The following IGFL2 variants were observed in gnomAD, a reference collection of about 807,000 sequenced individuals.
The protein encoded by IGFL2 is insulin growth factor-like family member 2.
Under a neutral mutation model 13.9 loss-of-function variants are expected in IGFL2, and 7 were observed. The observed-to-expected ratio is 0.51, with a 90% CI of 0.29 to 0.95. The LOEUF (loss-of-function observed/expected upper bound fraction) is 0.95, where lower values mean the gene tolerates loss of function less well. IGFL2 is among the 40% of genes least tolerant of loss of function. The pLI is 0.08. For missense variants in IGFL2, 138 were observed against 147.8 expected (o/e 0.93, Z 0.34); for synonymous variants, 55 against 55.8 (o/e 0.99, Z 0.07).
At position 46,160,744 on chromosome 19, in the gene IGFL2, C is replaced by T. The variant is rs1974120648; in HGVS notation, c.204C>T (p.Pro68=). ...TGAGCGAGACCCGCCAATGTGGTCC[C>T]CCCTGCACCTTCTGGCCCTGCTTTG... ...VSLSETRQCG[P]PCTFWPCFEL... The change falls in exon 3 of 4, where the codon CCC becomes CCT. Residue 68 remains proline (P), a synonymous_variant. Transcript: ENST00000377693. The T allele has an allele frequency of 6.2e-7, 1 of 1,613,950 alleles. No homozygotes were observed. The highest frequency in any genetic ancestry group is 8.5e-7 in the Non-Finnish European group (1 of 1,180,024).
At chr19:46,191,398 G>A in the IGFL2 span, among the ~76,000 whole-genome samples, 2 of 152,164 alleles carry the variant, frequency 1.3e-5, no homozygotes, top group African/African-American at 4.8e-5. Flanking sequence ...TTCAAGTTTG[G>A]CCTCAACCTG....
the IGFL2 span, among the ~76,000 whole-genome samples, chr19:46,180,266 C>T: frequency 6.6e-6 from 1 of 151,440 alleles, no homozygotes. Context: ...GCAACCTCCA[C>T]CTCCCGAGTT....
the IGFL2 span, among the ~76,000 whole-genome samples, chr19:46,117,151 A>G: frequency 6.6e-6 from 1 of 152,160 alleles, no homozygotes; most frequent in Admixed American, 6.5e-5. Flanking sequence ...TTAAGCTTTA[A>G]TTGAGCTAAG....
At chr19:46,204,698 G>C in the IGFL2 span, 1 of 152,210 alleles carries the variant, frequency 6.6e-6, no homozygotes, top group African/African-American at 2.4e-5. Context: ...CTGCTTGCTG[G>C]GAAAAATCCC....
At chr19:46,099,750 A>G in the IGFL2 span, among the ~76,000 whole-genome samples, 1 of 144,780 alleles carries the variant, frequency 6.9e-6, no homozygotes, top group Non-Finnish European at 1.5e-5. Context: ...CTGGTCTTGA[A>G]CTCCTGACCT....
chr19:46,168,478 C>T, the IGFL2 span, among the ~76,000 whole-genome samples: 1 of 152,188 alleles, frequency 6.6e-6, no homozygotes, highest in African/African-American at 2.4e-5. Flanking sequence ...TCCCTTTGAG[C>T]TATATCTTCA....
At chr19:46,165,907 G>A (rs186362689), downstream of IGFL2, among the ~76,000 whole-genome samples, 193 of 152,336 alleles carry the variant, frequency 1.3e-3, 1 homozygote, top group African/African-American at 4.3e-3. Context: ...GGGAAACACT[G>A]GATTGGATGG....
chr19:46,155,955 T>A (rs1228607600), intron 1 of IGFL2, among the ~76,000 whole-genome samples: 1 of 152,184 alleles, frequency 6.6e-6, no homozygotes, highest in Non-Finnish European at 1.5e-5. Flanking sequence ...GTATTGGCTA[T>A]CTTGTCATTT....
the IGFL2 span, among the ~76,000 whole-genome samples, chr19:46,080,403 AAAG>A: frequency 1.3e-5 from 2 of 151,640 alleles, no homozygotes; most frequent in South Asian, 2.1e-4. Context: ...AAAATAAAAA[AAAG>A]AATAAATTTA....
chr19:46,105,409 G>C, the IGFL2 span, among the ~76,000 whole-genome samples: 156 of 152,322 alleles, frequency 1.0e-3, no homozygotes, highest in African/African-American at 3.5e-3. Context: ...CTAGTGATTG[G>C]TGATTAGGCT....
the IGFL2 span, among the ~76,000 whole-genome samples, chr19:46,122,465 A>G: frequency 1.3e-5 from 2 of 151,016 alleles, no homozygotes. Flanking sequence ...ACAGATAATA[A>G]ATGTTAATAA....
chr19:46,145,600 ATGTGTGTGTGTG>A (rs1024196099), upstream of IGFL2, among the ~76,000 whole-genome samples: 3 of 94,450 alleles, frequency 3.2e-5, no homozygotes, highest in Admixed American at 2.1e-4. Context: ...ACTCATATAT[ATGTGTGTGTGTG>A]TGTGTGTGTG....
chr19:46,158,191 C>G (rs1356475464), intron 1 of IGFL2, among the ~76,000 whole-genome samples: 1 of 152,042 alleles, frequency 6.6e-6, no homozygotes, highest in Non-Finnish European at 1.5e-5. Context: ...TTAGTTCCCC[C>G]CAAATTGATT....
chr19:46,185,148 A>G, the IGFL2 span, among the ~76,000 whole-genome samples: 2 of 152,084 alleles, frequency 1.3e-5, no homozygotes, highest in Non-Finnish European at 2.9e-5. Flanking sequence ...TCTGGATATT[A>G]GCTCTTTGTC....
At chr19:46,140,205 C>T (rs987715205), upstream of IGFL2, among the ~76,000 whole-genome samples, 7 of 151,228 alleles carry the variant, frequency 4.6e-5, no homozygotes, top group African/African-American at 1.7e-4. Context: ...CCTCAGCCTC[C>T]GAAGTGCTGG....
chr19:46,156,625 AT>A (rs1392788391), intron 1 of IGFL2, among the ~76,000 whole-genome samples: 6 of 152,230 alleles, frequency 3.9e-5, no homozygotes, highest in Non-Finnish European at 7.3e-5. Context: ...ATCAAAATTT[AT>A]GGAACATATA....
chr19:46,124,405 T>G, the IGFL2 span: 2 of 1,428,938 alleles, frequency 1.4e-6, no homozygotes, highest in Admixed American at 1.8e-5. Flanking sequence ...AAACAGAGGT[T>G]AGGGTGGTTT....
chr19:46,113,528 T>C, the IGFL2 span: 4 of 343,010 alleles, frequency 1.2e-5, no homozygotes, highest in Non-Finnish European at 2.4e-5. Context: ...TAACCTCAGT[T>C]GTCACAGGAA....
the IGFL2 span, among the ~76,000 whole-genome samples, chr19:46,169,708 T>A: frequency 1.3e-5 from 2 of 151,502 alleles, no homozygotes; most frequent in African/African-American, 4.9e-5. Flanking sequence ...ATCAACCAGG[T>A]GTGGTGGTGG....
Sources: gnomAD v4.1 joint callset for allele counts (sites outside exome capture counted in the v4.1 genomes callset) on GRCh38, gnomAD v4.1.1 for gene constraint, MANE v1.5 for transcripts, NCBI Gene and HGNC (gene_info 2026-07-23, HGNC 2026-07-21) for gene names.